The following TXNRD1 variants were observed in gnomAD, a reference collection of about 807,000 sequenced individuals.
The protein encoded by TXNRD1 is thioredoxin reductase 1.
Under a neutral mutation model 80.3 loss-of-function variants are expected in TXNRD1, and 57 were observed. That is an observed-to-expected ratio of 0.71 (90% confidence interval 0.57 to 0.89). The LOEUF (loss-of-function observed/expected upper bound fraction) is 0.89, where lower values mean the gene tolerates loss of function less well. TXNRD1 is among the 40% of genes least tolerant of loss of function. The pLI is 0.00. For missense variants in TXNRD1, 730 were observed against 803.0 expected (o/e 0.91, Z 1.10); for synonymous variants, 291 against 285.2 (o/e 1.02, Z -0.20).
At chr12:104,272,591 A>G (rs937756291) in intron 3 of TXNRD1, among the ~76,000 whole-genome samples, 2 of 152,096 alleles carry the variant, frequency 1.3e-5, no homozygotes, top group African/African-American at 4.8e-5. Flanking sequence ...TCAGGAGATC[A>G]AGACCATCCT....
chr12:104,235,620 T>C (rs1033053976), intron 1 of TXNRD1, among the ~76,000 whole-genome samples: 18 of 152,166 alleles, frequency 1.2e-4, no homozygotes, highest in African/African-American at 4.3e-4. Flanking sequence ...TTATAGTTAA[T>C]GAAAAAGGAT....
chr12:104,313,627 G>A (rs146967347), intron 6 of TXNRD1, among the ~76,000 whole-genome samples: 2 of 152,276 alleles, frequency 1.3e-5, no homozygotes, highest in East Asian at 3.9e-4. Flanking sequence ...TTCATATGTG[G>A]ATTTGTTTTA....
intron 8 of TXNRD1, 84 bp downstream of exon 8, chr12:104,319,139 T>C (rs1355632419): frequency 7.0e-7 from 1 of 1,426,220 alleles, no homozygotes; most frequent in African/African-American, 1.4e-5. Context: ...TAAAGTATTA[T>C]AATAAAAGTA....
At chr12:104,225,053 T>G (rs1006954428) in intron 1 of TXNRD1, among the ~76,000 whole-genome samples, 1 of 152,230 alleles carries the variant, frequency 6.6e-6, no homozygotes, top group African/African-American at 2.4e-5. Context: ...ATAATATTTA[T>G]TCATTTAATA....
chr12:104,302,675 G>C (rs1328814715), intron 4 of TXNRD1, among the ~76,000 whole-genome samples: 1 of 151,196 alleles, frequency 6.6e-6, no homozygotes, highest in East Asian at 1.9e-4. Flanking sequence ...AGTTTTAGTA[G>C]AGACGGGGTT....
chr12:104,219,518 T>C (rs537578316), intron 1 of TXNRD1, among the ~76,000 whole-genome samples: 1 of 152,300 alleles, frequency 6.6e-6, no homozygotes, highest in East Asian at 1.9e-4. Context: ...GAAAATGCAG[T>C]GTCATGATGT....
intron 3 of TXNRD1, among the ~76,000 whole-genome samples, chr12:104,285,673 G>A (rs552742074): frequency 1.9e-4 from 29 of 152,292 alleles, no homozygotes; most frequent in Non-Finnish European, 3.5e-4. Flanking sequence ...TTCTAAGAAT[G>A]AGGAGTTTAT....
rs766479330 is a variant in TXNRD1, at chr12:104,288,929, A to G, written c.305-2A>G. On this transcript the variant is annotated splice_acceptor_variant, in intron 3 of 16. Coordinates refer to ENST00000525566, the MANE Select transcript of TXNRD1 (RefSeq NM_001093771.3). LOFTEE classifies it high-confidence loss of function. ...GCTCCGCTCTGCTTTTGTGCCACAC[A>G]GAGGACGGTCGGGCCCTGGAAGGAA... 6.2e-6 allele frequency: 10 copies of G among 1,614,042 alleles called. No individual in the cohort carries two copies. Among genetic ancestry groups the G allele is most frequent in the South Asian group, 1.1e-5 (1 of 91,082 alleles).
At chr12:104,305,160 G>C in intron 4 of TXNRD1, 1 of 447,812 alleles carries the variant, frequency 2.2e-6, no homozygotes, top group Non-Finnish European at 3.9e-6. Context: ...ACGTTTTATT[G>C]AATGCCCTTT....
intron 1 of TXNRD1, among the ~76,000 whole-genome samples, chr12:104,230,018 G>A (rs1024801110): frequency 1.2e-4 from 18 of 152,038 alleles, no homozygotes; most frequent in African/African-American, 4.3e-4. Context: ...TTTATCTTAG[G>A]CATATACTTT....
intron 3 of TXNRD1, among the ~76,000 whole-genome samples, chr12:104,282,692 G>A (rs2135736501): frequency 6.6e-6 from 1 of 152,230 alleles, no homozygotes; most frequent in East Asian, 1.9e-4. Context: ...ATGGGATCAT[G>A]AGAGCCTTTT....
chr12:104,268,280 G>C (rs1470939659), intron 3 of TXNRD1, among the ~76,000 whole-genome samples: 2 of 151,510 alleles, frequency 1.3e-5, no homozygotes, highest in Non-Finnish European at 2.9e-5. Context: ...GGGAGGCTGA[G>C]GTGGGCTGAT....
chr12:104,346,314 GT>G (rs2036490911), intron 16 of TXNRD1, among the ~76,000 whole-genome samples: 1 of 152,120 alleles, frequency 6.6e-6, no homozygotes, highest in Non-Finnish European at 1.5e-5. Context: ...TGCCTGGCCA[GT>G]TTTTTATTTA....
intron 1 of TXNRD1, among the ~76,000 whole-genome samples, chr12:104,236,252 A>T (rs2032734815): frequency 6.6e-6 from 1 of 152,170 alleles, no homozygotes; most frequent in South Asian, 2.1e-4. Context: ...ACAAAATGGA[A>T]TTGTTTGGGT....
At chr12:104,276,801 C>T (rs955082889) in intron 3 of TXNRD1, 3 of 152,154 alleles carry the variant, frequency 2.0e-5, no homozygotes, top group Non-Finnish European at 2.9e-5. Flanking sequence ...ACTTGGGTTA[C>T]TCATCTGTAA....
chr12:104,238,940 G>A (rs887602166), intron 1 of TXNRD1, among the ~76,000 whole-genome samples: 1 of 151,838 alleles, frequency 6.6e-6, no homozygotes, highest in Non-Finnish European at 1.5e-5. Flanking sequence ...TTTGCCTCCC[G>A]GGTTCAAGTG....
chr12:104,305,034 A>C, intron 4 of TXNRD1: 1 of 1,261,498 alleles, frequency 7.9e-7, no homozygotes, highest in Non-Finnish European at 1.1e-6. Context: ...TTGTAAAGTG[A>C]AAAAGTATTT....
At chr12:104,247,765 C>A (rs1338145173) in intron 1 of TXNRD1, among the ~76,000 whole-genome samples, 1 of 152,088 alleles carries the variant, frequency 6.6e-6, no homozygotes, top group Non-Finnish European at 1.5e-5. Flanking sequence ...AATATCTGAG[C>A]CTAATAGTTG....
In TXNRD1 at chr12:104,325,379, G is replaced by T; in HGVS notation, c.1258G>T (p.Val420Leu). ...AGGGACACCAGGCCGACTCAGAGTA[G>T]TAGCTCAGTCCACCAATAGTGAGGA... is the stretch of plus-strand genomic sequence containing the variant. ...EAGTPGRLRVVAQSTNSEEII... is the reference protein window; with the variant it reads ...EAGTPGRLRVLAQSTNSEEII... The change falls in exon 11 of 17, where the codon GTA (valine) becomes TTA (leucine). Residue 420 changes from valine to leucine, a missense_variant. Physicochemically the swap from Val to Leu is conservative, Grantham distance 32 (BLOSUM62 1). Coordinates refer to ENST00000525566, the MANE Select transcript of TXNRD1 (RefSeq NM_001093771.3). 1 of 1,613,544 alleles carries T rather than the reference G, an allele frequency of 6.2e-7. No individual in the cohort carries two copies. Among genetic ancestry groups the T allele is most frequent in the Non-Finnish European group, 8.5e-7 (1 of 1,179,706 alleles).
Sources: gnomAD v4.1 joint callset for allele counts (sites outside exome capture counted in the v4.1 genomes callset) on GRCh38, gnomAD v4.1.1 for gene constraint, MANE v1.5 for transcripts, NCBI Gene and HGNC (gene_info 2026-07-23, HGNC 2026-07-21) for gene names.